EPHA6: variants seen among roughly 807,000 people sequenced by gnomAD.
EPHA6 encodes the protein EPH receptor A6, also known as ephrin type-A receptor 6.
In EPHA6, 50 loss-of-function variants were observed where a neutral mutation model predicts 112.0. That is an observed-to-expected ratio of 0.45 (90% CI 0.36 to 0.56). The LOEUF is 0.56. EPHA6 is among the 20% of genes least tolerant of loss of function. The pLI, the probability that EPHA6 is intolerant of heterozygous loss-of-function variation, is 0.00. For missense variants in EPHA6, 1,280 were observed against 1,417.4 expected, an observed-to-expected ratio of 0.90 and a Z score of 1.56; for synonymous variants, 529 against 490.7, an observed-to-expected ratio of 1.08 and a Z score of -1.03.
At chr3:97,575,501 A>G (rs1030785950) in intron 11 of EPHA6, among the ~76,000 whole-genome samples, 10 of 152,218 alleles carry the variant, frequency 6.6e-5, no homozygotes, top group Admixed American at 2.0e-4. Flanking sequence ...ATCTACGTAT[A>G]CAACCATTCC....
At chr3:97,647,141 A>G (rs537070787) in intron 14 of EPHA6, among the ~76,000 whole-genome samples, 1 of 152,254 alleles carries the variant, frequency 6.6e-6, no homozygotes, top group East Asian at 1.9e-4. Flanking sequence ...TTGTACTGTT[A>G]TTCTTCAGAA....
intron 12 of EPHA6, among the ~76,000 whole-genome samples, chr3:97,598,472 G>T (rs2093613842): frequency 1.5e-5 from 2 of 131,424 alleles, no homozygotes. Context: ...GTGTCCATGT[G>T]ATCTCATTGT....
At chr3:97,520,421 T>C (rs1000560489) in intron 10 of EPHA6, among the ~76,000 whole-genome samples, 1 of 152,220 alleles carries the variant, frequency 6.6e-6, no homozygotes, top group African/African-American at 2.4e-5. Context: ...TTCCCTCTGC[T>C]TTTCTTTCTC....
chr3:97,010,047 AC>A, intron 3 of EPHA6: 1 of 1,296,078 alleles, frequency 7.7e-7, no homozygotes, highest in Non-Finnish European at 1.0e-6. Flanking sequence ...TCTTGGCCCC[AC>A]CCCGAAACAG....
chr3:97,382,697 G>T (rs2085826096), intron 5 of EPHA6, among the ~76,000 whole-genome samples: 1 of 151,914 alleles, frequency 6.6e-6, no homozygotes, highest in Non-Finnish European at 1.5e-5. Context: ...TACAAAAAGA[G>T]ACTTTATGAA....
rs559279959 is a variant in EPHA6 at position 96,907,801 on chromosome 3, A to T, written c.450+40912A>T. ...AGTTATACAACCTTGGGAAATTGTC[A>T]AAAGTTCATAGTACCCTTCAAATAC... On this transcript the variant is annotated intron_variant, in intron 2 of 17. Coordinates refer to ENST00000389672, the MANE Select transcript of EPHA6 (RefSeq NM_001080448.3). Among the ~76,000 whole-genome samples the T allele has an allele frequency of 5.9e-5, 9 of 152,078 alleles. No homozygotes were observed. In the South Asian group the frequency reaches 1.9e-3, roughly 31 times the overall value.
chr3:97,661,948 T>A (rs952735412), intron 14 of EPHA6, among the ~76,000 whole-genome samples: 2 of 151,936 alleles, frequency 1.3e-5, no homozygotes, highest in African/African-American at 2.4e-5. Flanking sequence ...AAAAAGTGCT[T>A]CACTGTCTTG....
chr3:97,585,218 G>C (rs557022165), intron 11 of EPHA6, among the ~76,000 whole-genome samples: 1 of 152,128 alleles, frequency 6.6e-6, no homozygotes, highest in African/African-American at 2.4e-5. Context: ...TACAGTCCAC[G>C]TTCAGCATTT....
intron 5 of EPHA6, among the ~76,000 whole-genome samples, chr3:97,249,322 G>C (rs1449331764): frequency 2.0e-5 from 3 of 152,128 alleles, no homozygotes; most frequent in Non-Finnish European, 4.4e-5. Context: ...TGGAAGAAAT[G>C]TCAAACTGGC....
Position 97,593,159 on chromosome 3 carries a change from GA to G in EPHA6, c.2512+431del, listed in dbSNP as rs912125021. On this transcript the variant is annotated intron_variant, in intron 12 of 17. Coordinates refer to ENST00000389672, the MANE Select transcript of EPHA6 (RefSeq NM_001080448.3). ...AGAATTAAAGTATCCTTTCATTACA[GA>G]AAAAAAAATGATTTGAAGAAACCAG... Among the ~76,000 whole-genome samples the G allele has an allele frequency of 3.3e-3, 485 of 149,218 alleles. 3 individuals are homozygous for G. The highest frequency in any genetic ancestry group is 0.011 in the African/African-American group (465 of 40,756).
chr3:97,100,909 A>G (rs1000152712), intron 3 of EPHA6, among the ~76,000 whole-genome samples: 2 of 152,060 alleles, frequency 1.3e-5, no homozygotes, highest in South Asian at 4.1e-4. Context: ...AAATAATCAT[A>G]AATGAGAATA....
intron 3 of EPHA6, among the ~76,000 whole-genome samples, chr3:97,183,566 A>G (rs1460093001): frequency 6.6e-6 from 1 of 152,132 alleles, no homozygotes; most frequent in Non-Finnish European, 1.5e-5. Context: ...TTTATGTAAA[A>G]AGAAATAGTT....
At chr3:97,348,188 A>G (rs373977517) in intron 5 of EPHA6, among the ~76,000 whole-genome samples, 1 of 152,132 alleles carries the variant, frequency 6.6e-6, no homozygotes, top group East Asian at 1.9e-4. Context: ...GCCATAGGCT[A>G]AGTATTATGT....
At chr3:96,982,224 G>A (rs1186015587) in intron 2 of EPHA6, among the ~76,000 whole-genome samples, 3 of 152,246 alleles carry the variant, frequency 2.0e-5, no homozygotes, top group African/African-American at 7.2e-5. Flanking sequence ...ACACTGCTTT[G>A]AATGTGTCCC....
chr3:96,873,097 G>A (rs528648058), intron 2 of EPHA6, among the ~76,000 whole-genome samples: 6 of 151,780 alleles, frequency 4.0e-5, no homozygotes, highest in African/African-American at 7.3e-5. Flanking sequence ...GTGAAACCCC[G>A]TCTTCACTCA....
intron 7 of EPHA6, 115 bp downstream of exon 7, chr3:97,448,845 T>C: frequency 1.1e-6 from 1 of 950,466 alleles, no homozygotes; most frequent in Non-Finnish European, 1.6e-6. Flanking sequence ...AATGAGATTT[T>C]GTTCATGTAA....
At chr3:97,431,047 A>T (rs902799792) in intron 6 of EPHA6, among the ~76,000 whole-genome samples, 4 of 152,106 alleles carry the variant, frequency 2.6e-5, no homozygotes, top group African/African-American at 9.6e-5. Context: ...GAAAATTATG[A>T]AATAATTTGA....
intron 11 of EPHA6, among the ~76,000 whole-genome samples, chr3:97,558,234 A>T (rs1396521992): frequency 6.6e-6 from 1 of 152,006 alleles, no homozygotes; most frequent in African/African-American, 2.4e-5. Flanking sequence ...AGCTGAAGGC[A>T]TATTTGTCTG....
At chr3:97,162,425 G>A (rs72922346) in intron 3 of EPHA6, among the ~76,000 whole-genome samples, 1,967 of 152,226 alleles carry the variant, frequency 0.013, 48 homozygotes, top group African/African-American at 0.044. Context: ...ACCAAAGGAT[G>A]GGATCAGGGA....
Sources: allele counts gnomAD v4.1 joint callset (sites outside exome capture counted in the v4.1 genomes callset), GRCh38; gene constraint gnomAD v4.1.1; transcripts MANE v1.5; gene names NCBI Gene and HGNC (gene_info 2026-07-23, HGNC 2026-07-21).